FUBP1: variants seen among roughly 807,000 people sequenced by gnomAD.
FUBP1 encodes the protein far upstream element-binding protein 1.
A neutral mutation model predicts 94.9 loss-of-function variants in FUBP1; 16 were observed. That is an observed-to-expected ratio of 0.17 (90% CI 0.11 to 0.26). FUBP1 has a LOEUF of 0.26. Ranked by LOEUF, FUBP1 falls within the 10% of genes least tolerant of loss-of-function variation. FUBP1 has a pLI of 1.00. For missense variants in FUBP1, 583 were observed against 808.6 expected (o/e 0.72, Z 3.38); for synonymous variants, 279 against 254.9 (o/e 1.09, Z -0.90).
At chr1:77,970,856 G>A (rs1657392999) in intron 1 of FUBP1, among the ~76,000 whole-genome samples, 1 of 151,974 alleles carries the variant, frequency 6.6e-6, no homozygotes, top group Non-Finnish European at 1.5e-5. Flanking sequence ...AGCAGCCTGG[G>A]CAACATGATG....
chr1:77,966,010 C>T (rs1656413488), intron 7 of FUBP1, among the ~76,000 whole-genome samples: 1 of 152,174 alleles, frequency 6.6e-6, no homozygotes, highest in African/African-American at 2.4e-5. Context: ...AGCGAGACTT[C>T]GTCTCAAAAA....
rs1489419243 is a variant in FUBP1, at chr1:77,965,176, A to G, written c.529T>C (p.Phe177Leu). 1.9e-6 allele frequency: 3 copies of G among 1,611,258 alleles called. No homozygotes were observed. The highest frequency in any genetic ancestry group is 2.5e-6 in the Non-Finnish European group (3 of 1,177,512). The stretch of plus-strand genomic sequence containing the variant: ...TTTCCCGGTCCATCGCCATGATGGA[A>G]GCCAGGAGCTGGTCTTCCTTTTTCA... ...IVEKGRPAPG[F>L]HHGDGPGNAV... is the part of the protein sequence containing the mutation. Residue 177 changes from phenylalanine (F) to leucine (L), a missense_variant, in exon 8 of 20, where the codon TTC becomes CTC. Physicochemically the swap from Phe to Leu is conservative, Grantham distance 22 (BLOSUM62 0). Coordinates refer to ENST00000370768, the MANE Select transcript of FUBP1 (RefSeq NM_003902.5).
chr1:77,964,784 T>A (rs1359166524), intron 9 of FUBP1, 37 bp from the exon 10 acceptor site: 1 of 1,515,898 alleles, frequency 6.6e-7, no homozygotes, highest in African/African-American at 1.4e-5. Flanking sequence ...AGAAAGCATG[T>A]CTCAAAACAT....
rs1440215346 is a variant in FUBP1, at chr1:77,946,617, G to T, written c.*2149C>A. Reference sequence around the variant, plus strand: ...AATTGCACTGTTTGCAATTAATAAAGATTTTAAACCTTAAATGAATCAAAA... The same window carrying T: ...AATTGCACTGTTTGCAATTAATAAATATTTTAAACCTTAAATGAATCAAAA... On this transcript the variant is annotated 3_prime_UTR_variant, in exon 20 of 20. Coordinates refer to ENST00000370768, the MANE Select transcript of FUBP1 (RefSeq NM_003902.5). The T allele has an allele frequency of 4.9e-6, 1 of 203,144 alleles. No homozygotes were observed. The highest frequency in any genetic ancestry group is 1.0e-5 in the Non-Finnish European group (1 of 98,848). The allele number at this position is 203,144 out of a possible 1,614,324, so 12.6% of individuals were successfully genotyped here.
rs1197662591 is a variant in FUBP1, at chr1:77,978,984, C to A, written c.21G>T (p.Val7=). The part of the protein sequence containing the change: MADYST[V]PPPSSGSAGG... ...CAGCTGAGCCAGAAGAGGGGGGAGG[C>A]ACTGTTGAATAGTCTGCCATGGTTG... is the stretch of plus-strand genomic sequence containing the variant. The change falls in exon 1 of 20, where the codon GTG becomes GTT. Residue 7 remains valine (V), a synonymous_variant. Transcript: ENST00000370768. The A allele has an allele frequency of 6.2e-7, 1 of 1,613,668 alleles. No individual in the cohort carries two copies. Among genetic ancestry groups the A allele is most frequent in the South Asian group, 1.1e-5 (1 of 91,076 alleles).
Position 77,945,766 on chromosome 1 carries a change from C to T in FUBP1, c.*3000G>A, listed in dbSNP as rs776919474. On this transcript the variant is annotated 3_prime_UTR_variant, in exon 20 of 20. Coordinates refer to ENST00000370768, the MANE Select transcript of FUBP1 (RefSeq NM_003902.5). ...AACAAAACTGATAAGATGCTGCTTT[C>T]ATACATTCAACTTAACTCAAAATAT... The T allele has an allele frequency of 9.4e-6, 2 of 213,226 alleles. No individual in the cohort carries two copies. Among genetic ancestry groups the T allele is most frequent in the Non-Finnish European group, 1.9e-5 (2 of 105,478 alleles). The allele number at this position is 213,226 out of a possible 1,614,324, so 13.2% of individuals were successfully genotyped here.
intron 16 of FUBP1, among the ~76,000 whole-genome samples, chr1:77,958,656 C>T (rs549508359): frequency 6.1e-4 from 93 of 152,314 alleles, no homozygotes; most frequent in Non-Finnish European, 1.1e-3. Flanking sequence ...ACAGTAGTGA[C>T]TTCACTACTA....
chr1:77,957,367 G>A (rs114556460), intron 16 of FUBP1, among the ~76,000 whole-genome samples: 2 of 152,062 alleles, frequency 1.3e-5, no homozygotes, highest in African/African-American at 4.8e-5. Context: ...CCCTTTGGTT[G>A]TATCTCTTCA....
At chr1:77,965,972 G>A (rs912420563) in intron 7 of FUBP1, among the ~76,000 whole-genome samples, 4 of 152,166 alleles carry the variant, frequency 2.6e-5, no homozygotes, top group African/African-American at 9.6e-5. Flanking sequence ...AGCCGAGATC[G>A]TGCCCCTGCA....
chr1:77,953,403 A>T (rs919612549), intron 18 of FUBP1, among the ~76,000 whole-genome samples: 3 of 152,154 alleles, frequency 2.0e-5, no homozygotes, highest in African/African-American at 7.2e-5. Flanking sequence ...AGGCCGGAGA[A>T]TCGCTTGAAC....
chr1:77,964,596 A>T, intron 10 of FUBP1, 50 bp downstream of exon 10: 1 of 1,002,464 alleles, frequency 1.0e-6, no homozygotes. Flanking sequence ...AAACACTATT[A>T]TATTTATGAA....
chr1:77,968,314 G>GT (rs1009250207), intron 2 of FUBP1, 111 bp from the exon 3 acceptor site: 2 of 678,280 alleles, frequency 2.9e-6, no homozygotes, highest in African/African-American at 3.9e-5. Flanking sequence ...TGAAGGTATG[G>GT]TTTATCATTT....
intron 18 of FUBP1, among the ~76,000 whole-genome samples, chr1:77,951,414 T>TTATTTCA (rs1653441451): frequency 1.3e-5 from 2 of 152,238 alleles, no homozygotes. Context: ...CAAGAAAAGC[T>TTATTTCA]TATTTCACTC....
intron 19 of FUBP1, 33 bp downstream of exon 19, chr1:77,949,122 G>A (rs777472929): frequency 6.3e-7 from 1 of 1,585,662 alleles, no homozygotes; most frequent in African/African-American, 1.3e-5. Context: ...ACAGACTGGA[G>A]TAGAAATCAA....
intron 17 of FUBP1, 79 bp from the exon 18 acceptor site, chr1:77,955,408 G>C: frequency 1.3e-6 from 1 of 770,562 alleles, no homozygotes; most frequent in East Asian, 2.6e-5. Flanking sequence ...GGGTGCAGGA[G>C]CTGGCAGGGG....
chr1:77,977,693 T>A (rs532751163), intron 1 of FUBP1, among the ~76,000 whole-genome samples: 3 of 152,358 alleles, frequency 2.0e-5, no homozygotes, highest in Non-Finnish European at 4.4e-5. Context: ...GTCATAGTTA[T>A]ATGCTTGTTG....
Position 77,947,119 on chromosome 1 carries a change from AC to A in FUBP1, c.*1646del, listed in dbSNP as rs1652324859. On this transcript the variant is annotated 3_prime_UTR_variant, in exon 20 of 20. Transcript: ENST00000370768. ...CCCCTTCTGTCTGATACATTTCAAG[AC>A]TTTCATATTAAATATAGAAGATATG... 1 of 206,192 alleles carries A rather than the reference AC, an allele frequency of 4.8e-6. No homozygotes were observed. The highest frequency in any genetic ancestry group is 9.9e-6 in the Non-Finnish European group (1 of 100,898). 12.8% of individuals were successfully genotyped at this position (206,192 alleles called of 1,614,324 possible).
chr1:77,951,370 G>C (rs1231918090), intron 18 of FUBP1, among the ~76,000 whole-genome samples: 3 of 152,122 alleles, frequency 2.0e-5, no homozygotes, highest in Admixed American at 1.3e-4. Flanking sequence ...TAAATAAGTT[G>C]GTAATATTTG....
intron 1 of FUBP1, among the ~76,000 whole-genome samples, chr1:77,976,370 C>T (rs930324495): frequency 6.6e-6 from 1 of 152,124 alleles, no homozygotes; most frequent in African/African-American, 2.4e-5. Context: ...ATAAAGAAAT[C>T]ATTACAGCAA....
Sources: gnomAD v4.1 joint callset for allele counts (sites outside exome capture counted in the v4.1 genomes callset) on GRCh38, gnomAD v4.1.1 for gene constraint, MANE v1.5 for transcripts, NCBI Gene and HGNC (gene_info 2026-07-23, HGNC 2026-07-21) for gene names.